SH3D19: variants seen among roughly 807,000 people sequenced by gnomAD.
SH3D19 encodes the protein SH3 domain containing 19.
In SH3D19, 58 loss-of-function variants were observed where a neutral mutation model predicts 112.1. The ratio of observed to expected loss-of-function variants is 0.52; its 90% CI spans 0.42 to 0.64. The LOEUF is 0.64. SH3D19 is among the 30% of genes least tolerant of loss of function. The pLI is 0.00. For missense variants in SH3D19, 1,090 were observed against 1,263.4 expected, an observed-to-expected ratio of 0.86 and a Z score of 2.08; for synonymous variants, 391 against 448.5, an observed-to-expected ratio of 0.87 and a Z score of 1.62.
At chr4:151,188,544 C>T (rs904877360) in intron 2 of SH3D19, among the ~76,000 whole-genome samples, 8 of 152,134 alleles carry the variant, frequency 5.3e-5, no homozygotes, top group African/African-American at 1.9e-4. Flanking sequence ...CATTATGTTA[C>T]TACTGCTCAA....
At chr4:151,255,354 G>A (rs1296960083) in intron 1 of SH3D19, among the ~76,000 whole-genome samples, 12 of 150,810 alleles carry the variant, frequency 8.0e-5, no homozygotes, top group South Asian at 4.2e-4. Flanking sequence ...AGACAGGGTC[G>A]CGGCCGGGCA....
intron 1 of SH3D19, among the ~76,000 whole-genome samples, chr4:151,282,697 T>G (rs1774368007): frequency 6.6e-6 from 1 of 152,226 alleles, no homozygotes. Flanking sequence ...AAGACTGATT[T>G]AAAGTTTGGA....
Position 151,159,353 on chromosome 4 carries a change from C to G in SH3D19, c.1643-1G>C. The stretch of plus-strand genomic sequence containing the variant: ...GGACTTTGTGGATCCTCATGTAAAC[C>G]TGGAAAAAGTAGCAGTAATTCATCA... On this transcript the variant is annotated splice_acceptor_variant, in intron 8 of 19. Coordinates refer to ENST00000604030, the MANE Select transcript of SH3D19 (RefSeq NM_001378122.1). LOFTEE classifies it high-confidence loss of function. The G allele has an allele frequency of 6.5e-7, 1 of 1,529,980 alleles. No individual in the cohort carries two copies. Among genetic ancestry groups the G allele is most frequent in the South Asian group, 1.3e-5 (1 of 79,636 alleles). The allele number at this position is 1,529,980 out of a possible 1,614,324, so 94.8% of individuals were successfully genotyped here.
chr4:151,215,028 A>G, intron 2 of SH3D19, among the ~76,000 whole-genome samples: 1 of 143,644 alleles, frequency 7.0e-6, no homozygotes, highest in Non-Finnish European at 1.5e-5. Context: ...CTCACATCCC[A>G]GACGGGGCGG....
chr4:151,177,105 GTC>G, intron 4 of SH3D19, 150 bp from the exon 5 acceptor site: 1 of 540,692 alleles, frequency 1.8e-6, no homozygotes, highest in Non-Finnish European at 2.8e-6. Flanking sequence ...GGCCTGGGCT[GTC>G]TCTGACAGTA....
intron 1 of SH3D19, among the ~76,000 whole-genome samples, chr4:151,306,563 A>G (rs1728934606): frequency 6.6e-6 from 1 of 152,238 alleles, no homozygotes. Flanking sequence ...AAAAAAGAAT[A>G]TTGGAATTAA....
intron 1 of SH3D19, among the ~76,000 whole-genome samples, chr4:151,292,281 A>G (rs1775395026): frequency 6.6e-6 from 1 of 152,082 alleles, no homozygotes; most frequent in African/African-American, 2.4e-5. Context: ...ACTGGGCAAC[A>G]GAGCAAGACC....
intron 2 of SH3D19, among the ~76,000 whole-genome samples, chr4:151,200,415 TAA>T (rs1309724847): frequency 1.3e-5 from 2 of 152,234 alleles, no homozygotes; most frequent in Non-Finnish European, 1.5e-5. Flanking sequence ...TATTAAAAAT[TAA>T]GTTATACAAA....
At chr4:151,235,565 A>C (rs1030275653) in intron 1 of SH3D19, among the ~76,000 whole-genome samples, 3 of 152,198 alleles carry the variant, frequency 2.0e-5, no homozygotes, top group African/African-American at 7.2e-5. Flanking sequence ...GAGGTGAATC[A>C]CATGAGGCCA....
chr4:151,144,913 G>A lies in SH3D19; in HGVS notation c.2083-863C>T, dbSNP rs572595170. Among the ~76,000 whole-genome samples, 4 of 152,238 alleles carry A rather than the reference G, an allele frequency of 2.6e-5. No individual in the cohort carries two copies. In the East Asian group the frequency reaches 5.8e-4, roughly 22 times the overall value. ...TTTAGCTGATGAGTGCACATCAGAC[G>A]GTCTGTACTATATAAAAGGCATACC... On this transcript the variant is annotated intron_variant, in intron 11 of 19. Coordinates refer to ENST00000604030, the MANE Select transcript of SH3D19 (RefSeq NM_001378122.1).
At position 151,133,096 on chromosome 4, in the gene SH3D19, A is replaced by G. The variant is rs756964472; in HGVS notation, c.2627T>C (p.Ile876Thr). ...AGGCTCCACAAAGTTCAGGGGGAAA[A>G]TCCCAGTTCTGCCTCGAACTTCTCC... ...ARGEVRGRTG[I>T]FPLNFVEPVE... The change falls in exon 16 of 20, where the codon ATT becomes ACT. Residue 876 changes from isoleucine (I) to threonine (T), a missense_variant. By Grantham distance (89) the Ile-to-Thr change is moderately conservative. Transcript: ENST00000604030. 1.9e-6 allele frequency: 3 copies of G among 1,614,138 alleles called. No individual in the cohort carries two copies. The highest frequency in any genetic ancestry group is 2.5e-6 in the Non-Finnish European group (3 of 1,179,980).
chr4:151,174,012 C>G (rs1212919456), intron 7 of SH3D19, among the ~76,000 whole-genome samples: 1 of 152,226 alleles, frequency 6.6e-6, no homozygotes, highest in Non-Finnish European at 1.5e-5. Context: ...TTTAATTGTA[C>G]TGATCTTGGC....
rs1747871377 is a variant in SH3D19 at position 151,120,759 on chromosome 4, A to G, written c.*1332T>C. 6.6e-6 allele frequency: 1 copy of G among 152,474 alleles called. No individual in the cohort carries two copies. Among genetic ancestry groups the G allele is most frequent in the African/African-American group, 2.4e-5 (1 of 41,442 alleles). 9.4% of individuals were successfully genotyped at this position (152,474 alleles called of 1,614,324 possible). A position where few individuals can be genotyped will look rare whatever the true frequency, so the allele number is the denominator to read the frequency against. On this transcript the variant is annotated 3_prime_UTR_variant, in exon 20 of 20. Coordinates refer to ENST00000604030, the MANE Select transcript of SH3D19 (RefSeq NM_001378122.1). The stretch of plus-strand genomic sequence containing the variant: ...CACTTGTTGCTTAACTTTTTGGACA[A>G]TGGGAAAAAAAAAACAATAAAAGCT...
chr4:151,263,204 T>C (rs549862647), intron 1 of SH3D19, among the ~76,000 whole-genome samples: 17 of 152,286 alleles, frequency 1.1e-4, no homozygotes, highest in South Asian at 2.1e-4. Flanking sequence ...ATTCTTTTGA[T>C]GAAATTGAAG....
chr4:151,221,716 A>G (rs1768084624), intron 2 of SH3D19, among the ~76,000 whole-genome samples: 1 of 152,232 alleles, frequency 6.6e-6, no homozygotes, highest in Non-Finnish European at 1.5e-5. Context: ...CAGGGTTACC[A>G]AGACCAATAG....
chr4:151,138,334 G>T (rs1420314701), intron 13 of SH3D19, among the ~76,000 whole-genome samples: 2 of 152,184 alleles, frequency 1.3e-5, no homozygotes, highest in African/African-American at 4.8e-5. Flanking sequence ...GATAAAAAGA[G>T]ATTGTAAGTA....
chr4:151,306,976 T>A (rs1343487394), intron 1 of SH3D19, among the ~76,000 whole-genome samples: 1 of 151,850 alleles, frequency 6.6e-6, no homozygotes, highest in Admixed American at 6.6e-5. Flanking sequence ...TTTGGGGTTT[T>A]AAAAAGCAGC....
At chr4:151,250,917 T>TGGCC (rs1771329000) in intron 1 of SH3D19, among the ~76,000 whole-genome samples, 1 of 152,200 alleles carries the variant, frequency 6.6e-6, no homozygotes, top group Non-Finnish European at 1.5e-5. Context: ...CAAAGACTGT[T>TGGCC]GGCCGATGGA....
intron 3 of SH3D19, 51 bp from the exon 4 acceptor site, chr4:151,179,448 AG>A: frequency 8.9e-7 from 1 of 1,121,874 alleles, no homozygotes; most frequent in Non-Finnish European, 1.1e-6. Flanking sequence ...ATGTTTGGTA[AG>A]GGTTTAAATT....
Sources: allele counts gnomAD v4.1 joint callset (sites outside exome capture counted in the v4.1 genomes callset), GRCh38; gene constraint gnomAD v4.1.1; transcripts MANE v1.5; gene names NCBI Gene and HGNC (gene_info 2026-07-23, HGNC 2026-07-21).